The following CAMK2D variants were observed in gnomAD, a reference collection of about 807,000 sequenced individuals.
CAMK2D encodes the protein calcium/calmodulin dependent protein kinase II delta.
CAMK2D carries 37 observed loss-of-function variants against 84.0 expected under a neutral mutation model. That is an observed-to-expected ratio of 0.44 (90% CI 0.34 to 0.58). The LOEUF (loss-of-function observed/expected upper bound fraction) is 0.58. Among genes scored for constraint, CAMK2D ranks in the 20% least tolerant of loss-of-function variants. The pLI, the probability that CAMK2D is intolerant of heterozygous loss-of-function variation, is 0.02. For synonymous variants in CAMK2D, 202 were observed against 212.5 expected (o/e 0.95, Z 0.43); for missense variants, 448 against 652.5 (o/e 0.69, Z 3.41).
intron 4 of CAMK2D, among the ~76,000 whole-genome samples, chr4:113,597,504 A>G (rs188932161): frequency 6.6e-6 from 1 of 152,268 alleles, no homozygotes; most frequent in East Asian, 1.9e-4. Flanking sequence ...TCAGCCTTCA[A>G]ACAATTGAAG....
At chr4:113,652,256 G>A (rs7670640) in intron 3 of CAMK2D, among the ~76,000 whole-genome samples, 7,582 of 152,144 alleles carry the variant, frequency 0.05, 530 homozygotes, top group African/African-American at 0.16. Flanking sequence ...AGACAAGAAT[G>A]ATATTTGTTT....
intron 6 of CAMK2D, among the ~76,000 whole-genome samples, chr4:113,542,823 A>G (rs1228951525): frequency 6.6e-6 from 1 of 152,178 alleles, no homozygotes; most frequent in Non-Finnish European, 1.5e-5. Context: ...AAACAGCCTT[A>G]AAGTTCCCAT....
At chr4:113,687,106 T>G (rs2154338664) in intron 2 of CAMK2D, among the ~76,000 whole-genome samples, 1 of 152,320 alleles carries the variant, frequency 6.6e-6, no homozygotes, top group African/African-American at 2.4e-5. Flanking sequence ...TTTGAACTGA[T>G]ATGGTCGTGA....
intron 3 of CAMK2D, among the ~76,000 whole-genome samples, chr4:113,613,791 A>G (rs2099010459): frequency 3.9e-5 from 6 of 152,160 alleles, no homozygotes; most frequent in Admixed American, 3.3e-4. Context: ...ACAAAATATC[A>G]TAAATTTAAA....
chr4:113,707,773 G>GT (rs1416391332), intron 2 of CAMK2D, among the ~76,000 whole-genome samples: 5 of 152,170 alleles, frequency 3.3e-5, no homozygotes, highest in Non-Finnish European at 7.3e-5. Context: ...GAGGCAATAG[G>GT]TAAGATTTTT....
At chr4:113,759,717 T>A (rs1454801968) in intron 1 of CAMK2D, among the ~76,000 whole-genome samples, 4 of 152,160 alleles carry the variant, frequency 2.6e-5, no homozygotes, top group African/African-American at 9.7e-5. Flanking sequence ...CAGCACCAAA[T>A]GCTCTGAGAA....
At chr4:113,470,023 C>CT (rs1053138697) in intron 16 of CAMK2D, among the ~76,000 whole-genome samples, 2 of 151,946 alleles carry the variant, frequency 1.3e-5, no homozygotes, top group Non-Finnish European at 2.9e-5. Flanking sequence ...CTCTCTCTTT[C>CT]TTTTTTTTAA....
intron 2 of CAMK2D, among the ~76,000 whole-genome samples, chr4:113,664,010 A>G (rs1242132678): frequency 6.6e-6 from 1 of 152,202 alleles, no homozygotes; most frequent in African/African-American, 2.4e-5. Flanking sequence ...ACTGGTGTCC[A>G]TATATGAAAA....
intron 3 of CAMK2D, 121 bp from the exon 4 acceptor site, chr4:113,609,327 C>A: frequency 1.5e-6 from 1 of 648,744 alleles, no homozygotes; most frequent in Non-Finnish European, 2.9e-6. Context: ...TTTATTTTAG[C>A]CTTTGATACG....
intron 19 of CAMK2D, among the ~76,000 whole-genome samples, chr4:113,456,195 G>C (rs2154099854): frequency 6.6e-6 from 1 of 152,234 alleles, no homozygotes; most frequent in East Asian, 1.9e-4. Context: ...AAACCACTGT[G>C]GTATGCTACC....
At chr4:113,726,539 G>A (rs775348772) in intron 2 of CAMK2D, among the ~76,000 whole-genome samples, 38 of 151,270 alleles carry the variant, frequency 2.5e-4, no homozygotes, top group Non-Finnish European at 4.9e-4. Flanking sequence ...ACATTACCAT[G>A]CCTGGCTAAT....
intron 19 of CAMK2D, 96 bp from the exon 20 acceptor site, chr4:113,455,917 C>A (rs1357230523): frequency 2.7e-6 from 2 of 737,258 alleles, no homozygotes; most frequent in African/African-American, 1.8e-5. Context: ...TGCAAAAAAA[C>A]CTAAACCCCT....
At chr4:113,470,290 C>A (rs954604210) in intron 16 of CAMK2D, among the ~76,000 whole-genome samples, 11 of 149,226 alleles carry the variant, frequency 7.4e-5, no homozygotes, top group African/African-American at 2.8e-4. Flanking sequence ...GAAAACTGCA[C>A]CCCCCCCATT....
At chr4:113,550,393 G>T (rs142214020) in intron 5 of CAMK2D, among the ~76,000 whole-genome samples, 1 of 152,064 alleles carries the variant, frequency 6.6e-6, no homozygotes, top group Non-Finnish European at 1.5e-5. Flanking sequence ...GGCTGGTCTC[G>T]AACTCCTGGG....
At chr4:113,635,070 A>C (rs2099104803) in intron 3 of CAMK2D, among the ~76,000 whole-genome samples, 1 of 152,234 alleles carries the variant, frequency 6.6e-6, no homozygotes, top group South Asian at 2.1e-4. Context: ...TGTCATAGGC[A>C]AATATTTATA....
intron 3 of CAMK2D, among the ~76,000 whole-genome samples, chr4:113,618,707 T>A (rs955209343): frequency 2.6e-5 from 4 of 152,150 alleles, no homozygotes; most frequent in African/African-American, 9.7e-5. Flanking sequence ...TCCTGGATAA[T>A]ACATGCAAAA....
intron 2 of CAMK2D, among the ~76,000 whole-genome samples, chr4:113,735,303 A>G (rs2099578651): frequency 7.6e-6 from 1 of 131,122 alleles, no homozygotes; most frequent in African/African-American, 3.2e-5. Context: ...AAAAAAAAAA[A>G]AAAAAAAAAA....
At chr4:113,514,949 A>AATTCATTCAT in intron 10 of CAMK2D, 120 bp downstream of exon 10, 1 of 996,946 alleles carries the variant, frequency 1.0e-6, no homozygotes, top group Non-Finnish European at 1.5e-6. Context: ...TCGAGTCAAA[A>AATTCATTCAT]ATTCATTCAT....
At chr4:113,576,527 C>T (rs917131654) in intron 4 of CAMK2D, among the ~76,000 whole-genome samples, 1 of 150,256 alleles carries the variant, frequency 6.7e-6, no homozygotes, top group Non-Finnish European at 1.5e-5. Flanking sequence ...GTGCATGTGC[C>T]CACACACAAG....
Sources: gnomAD v4.1 joint callset for allele counts (sites outside exome capture counted in the v4.1 genomes callset) on GRCh38, gnomAD v4.1.1 for gene constraint, MANE v1.5 for transcripts, NCBI Gene and HGNC (gene_info 2026-07-23, HGNC 2026-07-21) for gene names.